The following NREP variants were observed in gnomAD, a reference collection of about 807,000 sequenced individuals.
NREP encodes neuronal regeneration-related protein.
Under a neutral mutation model 8.6 loss-of-function variants are expected in NREP, and 5 were observed. That is an observed-to-expected ratio of 0.58 (90% CI 0.30 to 1.22). The LOEUF (loss-of-function observed/expected upper bound fraction) is 1.22, where lower values mean the gene tolerates loss of function less well. Among genes scored for constraint, NREP ranks in the 50% most tolerant of loss-of-function variants. NREP has a pLI of 0.07. For missense variants in NREP, 86 were observed against 82.5 expected (o/e 1.04, Z -0.17); for synonymous variants, 27 against 28.0 (o/e 0.96, Z 0.11).
intron 2 of NREP, among the ~76,000 whole-genome samples, chr5:111,812,424 A>G (rs1401788000): frequency 6.6e-6 from 1 of 152,216 alleles, no homozygotes; most frequent in Admixed American, 6.5e-5. Flanking sequence ...ATATTTTAAG[A>G]TTGTAGGTAT....
At position 111,729,464 on chromosome 5, in the gene NREP, T is replaced by A. The variant is rs1748356761; in HGVS notation, c.*1457A>T. On this transcript the variant is annotated 3_prime_UTR_variant, in exon 4 of 4. Transcript: ENST00000257435. Reference sequence around the variant, plus strand: ...CTACATAAATGCCACAGATGCAGAATACTGTTTTCTTGCTCTATTTACACA... The same window carrying A: ...CTACATAAATGCCACAGATGCAGAAAACTGTTTTCTTGCTCTATTTACACA... 6.6e-6 allele frequency: 1 copy of A among 152,622 alleles called. No individual in the cohort carries two copies. Among genetic ancestry groups the A allele is most frequent in the Non-Finnish European group, 1.5e-5 (1 of 68,048 alleles). 9.5% of individuals were successfully genotyped at this position (152,622 alleles called of 1,614,324 possible).
chr5:111,956,015 C>T (rs1376800199), intron 2 of NREP, among the ~76,000 whole-genome samples: 1 of 151,780 alleles, frequency 6.6e-6, no homozygotes, highest in African/African-American at 2.4e-5. Context: ...AAAATTTATT[C>T]TGTCATATGA....
chr5:111,925,293 G>A (rs1251162666), intron 2 of NREP, among the ~76,000 whole-genome samples: 4 of 152,020 alleles, frequency 2.6e-5, no homozygotes, highest in East Asian at 1.9e-4. Flanking sequence ...CAGGCAGTCC[G>A]ACCTCTAGTT....
chr5:111,942,729 C>T (rs995507643), intron 2 of NREP, among the ~76,000 whole-genome samples: 1 of 151,918 alleles, frequency 6.6e-6, no homozygotes, highest in Non-Finnish European at 1.5e-5. Flanking sequence ...ATTTTACTGT[C>T]ATCACCCATA....
intron 2 of NREP, among the ~76,000 whole-genome samples, chr5:111,881,078 A>G (rs1222033151): frequency 6.6e-6 from 1 of 152,190 alleles, no homozygotes; most frequent in East Asian, 1.9e-4. Flanking sequence ...CTAGTCAAAG[A>G]AAGTGGTGAC....
At chr5:111,762,298 C>A (rs193023830), upstream of NREP, among the ~76,000 whole-genome samples, 1 of 152,202 alleles carries the variant, frequency 6.6e-6, no homozygotes, top group East Asian at 1.9e-4. Context: ...ATGGGAGGAT[C>A]AGTGGGTGAC....
At chr5:111,903,082 C>CTT (rs759722512) in intron 2 of NREP, among the ~76,000 whole-genome samples, 1,748 of 122,652 alleles carry the variant, frequency 0.014, 90 homozygotes, top group African/African-American at 0.047. Flanking sequence ...TGTCTTTTCT[C>CTT]TTTTTTTTTT....
chr5:111,975,521 G>T lies in NREP; in HGVS notation c.31-143C>A, dbSNP rs1478701324. The T allele has an allele frequency of 3.0e-5, 19 of 624,426 alleles. No individual in the cohort carries two copies. In the South Asian group the frequency reaches 3.3e-4, roughly 11 times the overall value. The allele number at this position is 624,426 out of a possible 1,614,324, so 38.7% of individuals were successfully genotyped here. ...AAGGACACTGACTGGCCAGGGTATA[G>T]GATCAGTTTATTTCCATGAAGACTC... On this transcript the variant is annotated intron_variant, in intron 1 of 3. Coordinates refer to the NREP transcript ENST00000395634.
At chr5:111,950,427 C>A (rs36133922) in intron 2 of NREP, among the ~76,000 whole-genome samples, 60,763 of 151,906 alleles carry the variant, frequency 0.4, 12,550 homozygotes, top group South Asian at 0.59. Flanking sequence ...AATGTGAAAC[C>A]CAAAACCTTA....
chr5:111,923,125 G>A (rs1281030547), intron 2 of NREP, among the ~76,000 whole-genome samples: 1 of 152,164 alleles, frequency 6.6e-6, no homozygotes, highest in Admixed American at 6.6e-5. Context: ...GAGCATGGAG[G>A]ATAAGAAAGA....
chr5:111,877,911 C>T (rs1429877021), intron 2 of NREP, among the ~76,000 whole-genome samples: 2 of 152,326 alleles, frequency 1.3e-5, no homozygotes, highest in East Asian at 1.9e-4. Flanking sequence ...TATGGCATCC[C>T]CAGCTACAGC....
At chr5:111,766,204 C>T (rs1007888543) in intron 2 of NREP, among the ~76,000 whole-genome samples, 1 of 152,034 alleles carries the variant, frequency 6.6e-6, no homozygotes, top group Non-Finnish European at 1.5e-5. Flanking sequence ...TTTTTAAACA[C>T]TGTAAAGTTT....
chr5:111,881,273 G>T (rs1754058768), intron 2 of NREP, among the ~76,000 whole-genome samples: 1 of 152,232 alleles, frequency 6.6e-6, no homozygotes, highest in Non-Finnish European at 1.5e-5. Context: ...CAGGCTGGGG[G>T]AGGGGTGCCC....
At chr5:111,881,238 T>A (rs1754057693) in intron 2 of NREP, among the ~76,000 whole-genome samples, 3 of 152,188 alleles carry the variant, frequency 2.0e-5, no homozygotes, top group African/African-American at 7.2e-5. Context: ...CACAGCAGTC[T>A]GAGATCAAAC....
At chr5:111,761,682 C>A (rs935176405), upstream of NREP, among the ~76,000 whole-genome samples, 2 of 152,270 alleles carry the variant, frequency 1.3e-5, no homozygotes, top group East Asian at 1.9e-4. Context: ...TCCTTCTCAA[C>A]GAAATCTTGA....
intron 2 of NREP, among the ~76,000 whole-genome samples, chr5:111,830,649 G>C (rs897591233): frequency 3.9e-5 from 6 of 152,186 alleles, no homozygotes; most frequent in African/African-American, 1.4e-4. Context: ...GTGTGATTAG[G>C]GGTGTGGCTG....
chr5:111,791,200 C>G (rs144100172), intron 2 of NREP, among the ~76,000 whole-genome samples: 1 of 152,204 alleles, frequency 6.6e-6, no homozygotes, highest in Non-Finnish European at 1.5e-5. Context: ...TATTATCTCA[C>G]ATTCTTACCA....
chr5:111,900,348 A>G (rs536038855), intron 2 of NREP, among the ~76,000 whole-genome samples: 2 of 152,042 alleles, frequency 1.3e-5, no homozygotes, highest in South Asian at 4.1e-4. Flanking sequence ...TAAAATAAAC[A>G]GTCTAAAGAT....
chr5:111,914,558 G>C (rs1241719101), intron 2 of NREP, among the ~76,000 whole-genome samples: 1 of 152,114 alleles, frequency 6.6e-6, no homozygotes, highest in African/African-American at 2.4e-5. Context: ...GTTCCAGCCA[G>C]TGGAAACCGG....
Sources: gnomAD v4.1 joint callset for allele counts (sites outside exome capture counted in the v4.1 genomes callset) on GRCh38, gnomAD v4.1.1 for gene constraint, MANE v1.5 for transcripts, NCBI Gene and HGNC (gene_info 2026-07-23, HGNC 2026-07-21) for gene names.